Variants in GPR137B observed in about 807,000 individuals in gnomAD.
GPR137B encodes G protein-coupled receptor 137B.
Under a neutral mutation model 42.5 loss-of-function variants are expected in GPR137B, and 42 were observed. The observed-to-expected ratio is 0.99, with a 90% confidence interval of 0.77 to 1.28. GPR137B has a LOEUF of 1.28. GPR137B is among the 50% of genes most tolerant of loss of function. The pLI is 0.00. For synonymous variants in GPR137B, 218 were observed against 209.7 expected (o/e 1.04, Z -0.34); for missense variants, 487 against 493.9 (o/e 0.99, Z 0.13).
chr1:236,167,654 T>C (rs760522650), intron 1 of GPR137B, among the ~76,000 whole-genome samples: 2 of 152,160 alleles, frequency 1.3e-5, no homozygotes, highest in Non-Finnish European at 2.9e-5. Flanking sequence ...TCTTTCCTTC[T>C]CCCAGTACTG....
In GPR137B at chr1:236,169,210, G is replaced by GCAGGTACAGGTACAGGTA. The variant is rs200459012; in HGVS notation, c.464+461_464+478dup. Among the ~76,000 whole-genome samples the GCAGGTACAGGTACAGGTA allele has an allele frequency of 3.1e-3, 413 of 133,374 alleles. 1 individual carries two copies. Among genetic ancestry groups the GCAGGTACAGGTACAGGTA allele is most frequent in the Non-Finnish European group, 4.6e-3 (299 of 65,468 alleles). 87.5% of individuals were successfully genotyped at this position (133,374 alleles called of 152,430 possible). A position where few individuals can be genotyped will look rare whatever the true frequency, so the allele number is the denominator to read the frequency against. On this transcript the variant is annotated intron_variant, in intron 2 of 6. Coordinates refer to ENST00000366592, the MANE Select transcript of GPR137B (RefSeq NM_003272.4). ...TGCAGGTGCAGGTGCAGGTGCAGGT[G>GCAGGTACAGGTACAGGTA]CAGGTACAGGTACAGGTACAGGTGC...
intron 2 of GPR137B, among the ~76,000 whole-genome samples, chr1:236,169,773 C>T (rs1662478073): frequency 6.6e-6 from 1 of 152,110 alleles, no homozygotes; most frequent in African/African-American, 2.4e-5. Context: ...GGCACGGTGG[C>T]TCACGCCTGT....
chr1:236,144,319 G>C (rs1425778047), intron 1 of GPR137B, among the ~76,000 whole-genome samples: 2 of 152,094 alleles, frequency 1.3e-5, no homozygotes, highest in Admixed American at 1.3e-4. Flanking sequence ...GGAGGCTGAG[G>C]TGGGAGGCGG....
chr1:236,187,278 GGTTGCCT>G (rs1663061074), intron 5 of GPR137B, among the ~76,000 whole-genome samples: 1 of 152,134 alleles, frequency 6.6e-6, no homozygotes, highest in Non-Finnish European at 1.5e-5. Flanking sequence ...CCATTCTGTA[GGTTGCCT>G]GTTTACTCTG....
At chr1:236,148,397 ACT>A (rs1284655081) in intron 1 of GPR137B, among the ~76,000 whole-genome samples, 1 of 151,302 alleles carries the variant, frequency 6.6e-6, no homozygotes, top group African/African-American at 2.4e-5. Flanking sequence ...TGGAACTCAG[ACT>A]CTCCAGATTC....
chr1:236,201,628 A>T (rs75354678), intron 5 of GPR137B, among the ~76,000 whole-genome samples: 2 of 151,924 alleles, frequency 1.3e-5, no homozygotes, highest in East Asian at 3.9e-4. Context: ...GTTTTTTATT[A>T]TATCTGTTTC....
chr1:236,153,326 T>C (rs924777617), intron 1 of GPR137B, among the ~76,000 whole-genome samples: 4 of 152,208 alleles, frequency 2.6e-5, no homozygotes, highest in African/African-American at 9.6e-5. Flanking sequence ...GCTTTCTATC[T>C]CTGCAGATTT....
intron 1 of GPR137B, among the ~76,000 whole-genome samples, chr1:236,158,897 A>C (rs12063505): frequency 3.9e-5 from 6 of 152,222 alleles, no homozygotes; most frequent in Non-Finnish European, 2.9e-5. Flanking sequence ...TTGGAAGCAT[A>C]GTGCTTTGTT....
chr1:236,182,125 T>G (rs998628584), intron 4 of GPR137B, among the ~76,000 whole-genome samples: 1 of 152,066 alleles, frequency 6.6e-6, no homozygotes, highest in Non-Finnish European at 1.5e-5. Flanking sequence ...ACTCCTGACC[T>G]CATGATCCGC....
chr1:236,178,798 T>G lies in GPR137B; in HGVS notation c.687+162T>G, dbSNP rs1347966925. On this transcript the variant is annotated intron_variant, in intron 3 of 6. Coordinates refer to ENST00000366592, the MANE Select transcript of GPR137B (RefSeq NM_003272.4). The stretch of plus-strand genomic sequence containing the variant: ...GGGCTACTCGAGGTTTTTTTTTTTT[T>G]TTTTTTTTTTTTTTTTTGAGACGGA... Among the ~76,000 whole-genome samples, 6 of 86,928 alleles carry G rather than the reference T, an allele frequency of 6.9e-5. 1 individual carries two copies. Among genetic ancestry groups the G allele is most frequent in the African/African-American group, 2.2e-4 (6 of 27,400 alleles). 57.0% of individuals were successfully genotyped at this position (86,928 alleles called of 152,430 possible). A position where few individuals can be genotyped will look rare whatever the true frequency, so the allele number is the denominator to read the frequency against.
rs73122907 is a variant in GPR137B, at chr1:236,174,197, A to G, written c.465-4217A>G. Among the ~76,000 whole-genome samples, 221 of 152,304 alleles carry G rather than the reference A, an allele frequency of 1.5e-3. 1 individual carries two copies. The highest frequency in any genetic ancestry group is 5.1e-3 in the African/African-American group (214 of 41,566). Reference sequence around the variant, plus strand: ...TTTCCATATTGTTTTAAATCTCCCAACACAGCCTCCTTTCCTAAGATAATA... The same window carrying G: ...TTTCCATATTGTTTTAAATCTCCCAGCACAGCCTCCTTTCCTAAGATAATA... On this transcript the variant is annotated intron_variant, in intron 2 of 6. Coordinates refer to ENST00000366592, the MANE Select transcript of GPR137B (RefSeq NM_003272.4).
chr1:236,190,530 G>A (rs1355265168), intron 5 of GPR137B, among the ~76,000 whole-genome samples: 1 of 152,186 alleles, frequency 6.6e-6, no homozygotes, highest in Non-Finnish European at 1.5e-5. Context: ...AGGCCTGGTG[G>A]TGACAAAGTC....
intron 2 of GPR137B, among the ~76,000 whole-genome samples, chr1:236,174,544 A>G (rs1448331297): frequency 6.6e-6 from 1 of 152,186 alleles, no homozygotes; most frequent in Non-Finnish European, 1.5e-5. Context: ...GGAGGCATGG[A>G]TAGAGTGGGA....
In GPR137B at chr1:236,142,919, C is replaced by T. The variant is rs1178672442; in HGVS notation, c.297C>T (p.Tyr99=). 13 of 1,614,092 alleles carry T rather than the reference C, an allele frequency of 8.1e-6. No individual in the cohort carries two copies. The highest frequency in any genetic ancestry group is 1.1e-5 in the Non-Finnish European group (13 of 1,179,998). Residue 99 remains tyrosine (Y), a synonymous_variant, in exon 1 of 7, where the codon TAC becomes TAT. Transcript: ENST00000366592. ...ASLRTVLFSF[Y]FKDFVAANSL... is the part of the protein sequence containing the mutation. ...TGCGGACCGTCCTCTTCTCCTTCTA[C>T]TTCAAAGACTTCGTGGCGGCCAATT...
chr1:236,206,857 A>G (rs1454471210), intron 6 of GPR137B, among the ~76,000 whole-genome samples: 2 of 151,242 alleles, frequency 1.3e-5, no homozygotes, highest in African/African-American at 2.4e-5. Context: ...AGGAGCCAAA[A>G]GGGCTGACAT....
intron 1 of GPR137B, among the ~76,000 whole-genome samples, chr1:236,158,699 CTCAGGAGTCTCA>C (rs1662102426): frequency 3.3e-5 from 5 of 152,172 alleles, no homozygotes; most frequent in Admixed American, 3.3e-4. Context: ...CGAGGGTCTC[CTCAGGAGTCTCA>C]GCCCACAGGC....
Position 236,178,609 on chromosome 1 carries a change from C to T in GPR137B, c.660C>T (p.Ser220=), listed in dbSNP as rs200465645. The T allele has an allele frequency of 1.2e-5, 19 of 1,610,126 alleles. No homozygotes were observed. The African/African-American group carries it at 2.3e-4, about 19-fold the overall frequency. Residue 220 remains serine (S), a synonymous_variant, in exon 3 of 7, where the codon TCC becomes TCT. Coordinates refer to ENST00000366592, the MANE Select transcript of GPR137B (RefSeq NM_003272.4). ...GTCTCTACAAAATCTCTAAGATGTC[C>T]TTAGCCAACATTTACTTGGAGTCCA... ...SICLYKISKM[S]LANIYLESKG...
At chr1:236,178,791 T>TTTTGTTTTTTTTTTTTG (rs1558488565) in intron 3 of GPR137B, among the ~76,000 whole-genome samples, 155 bp downstream of exon 3, 1 of 66,466 alleles carries the variant, frequency 1.5e-5, no homozygotes, top group African/African-American at 6.2e-5. Flanking sequence ...CGAGGTTTTT[T>TTTTGTTTTTTTTTTTTG]TTTTTTTTTT....
intron 2 of GPR137B, among the ~76,000 whole-genome samples, chr1:236,176,221 C>T (rs1278145582): frequency 1.3e-5 from 2 of 152,102 alleles, no homozygotes; most frequent in Non-Finnish European, 2.9e-5. Flanking sequence ...AAGAATCTGT[C>T]CATGGCAAAT....
Sources: gnomAD v4.1 joint callset for allele counts (sites outside exome capture counted in the v4.1 genomes callset) on GRCh38, gnomAD v4.1.1 for gene constraint, MANE v1.5 for transcripts, NCBI Gene and HGNC (gene_info 2026-07-23, HGNC 2026-07-21) for gene names.